The following RNF214 variants were observed in gnomAD, a reference collection of about 807,000 sequenced individuals.
RNF214 encodes ring finger protein 214.
A neutral mutation model predicts 75.9 loss-of-function variants in RNF214; 25 were observed. The observed-to-expected ratio is 0.33, with a 90% CI of 0.24 to 0.46. The LOEUF is 0.46. Among genes scored for constraint, RNF214 ranks in the 20% least tolerant of loss-of-function variants. The probability of loss-of-function intolerance (pLI) is 1.00; values close to 1 mark genes in which losing one functional copy is unlikely to be tolerated. For missense variants in RNF214, 725 were observed against 857.5 expected (o/e 0.85, Z 1.93); for synonymous variants, 314 against 308.8 (o/e 1.02, Z -0.18).
At chr11:117,274,185 T>G (rs553071602) in intron 6 of RNF214, among the ~76,000 whole-genome samples, 4 of 152,104 alleles carry the variant, frequency 2.6e-5, no homozygotes, top group Non-Finnish European at 5.9e-5. Flanking sequence ...AATAACAGAT[T>G]AACAGGAGGG....
At position 117,283,162 on chromosome 11, in the gene RNF214, G is replaced by T. The variant is rs780315682; in HGVS notation, c.1998G>T (p.Gln666His). 7 of 1,613,972 alleles carry T rather than the reference G, an allele frequency of 4.3e-6. No homozygotes were observed. In the Admixed American group the frequency reaches 1.2e-4, roughly 27 times the overall value. The change falls in exon 14 of 15, where the codon CAG becomes CAT. Residue 666 changes from glutamine to histidine, a missense_variant. By Grantham distance (24) the Gln-to-His change is conservative. Around this residue, in one of 2 missense-constraint regions of RNF214, gnomAD observed 363 missense variants for 513.0 expected, o/e 0.71. Coordinates refer to ENST00000300650, the MANE Select transcript of RNF214 (RefSeq NM_207343.4). ...KLCLMCQKLV[Q>H]PSELHPMACT... Reference sequence around the variant, plus strand: ...GTCTAATGTGCCAGAAACTCGTCCAGCCCAGTGAGCTGCATCCAATGGCGT... The same window carrying T: ...GTCTAATGTGCCAGAAACTCGTCCATCCCAGTGAGCTGCATCCAATGGCGT...
At chr11:117,253,762 A>T (rs2033456001) in intron 6 of RNF214, among the ~76,000 whole-genome samples, 1 of 152,188 alleles carries the variant, frequency 6.6e-6, no homozygotes, top group African/African-American at 2.4e-5. Flanking sequence ...GCTCGTGGTG[A>T]CCCTGTGTTT....
At chr11:117,279,628 C>T (rs192557772) in intron 6 of RNF214, among the ~76,000 whole-genome samples, 12 of 152,292 alleles carry the variant, frequency 7.9e-5, no homozygotes, top group Middle Eastern at 3.4e-3. Flanking sequence ...TCAGCCACCA[C>T]GCCCGGTCAC....
intron 6 of RNF214, among the ~76,000 whole-genome samples, chr11:117,265,166 G>C (rs1375389469): frequency 6.6e-6 from 1 of 151,294 alleles, no homozygotes; most frequent in African/African-American, 2.4e-5. Flanking sequence ...TTATTGATTT[G>C]ATTGGATTAA....
intron 9 of RNF214, 25 bp from the exon 10 acceptor site, chr11:117,281,575 T>G (rs1565348763): frequency 6.4e-7 from 1 of 1,564,142 alleles, no homozygotes; most frequent in African/African-American, 1.4e-5. Context: ...AGTTCAGCAG[T>G]AAAAATAATC....
rs774689027 is a variant in RNF214 at position 117,282,784 on chromosome 11, G to A, written c.1884G>A (p.Leu628=). The A allele has an allele frequency of 1.9e-6, 3 of 1,614,030 alleles. No individual in the cohort carries two copies. The highest frequency in any genetic ancestry group is 8.5e-7 in the Non-Finnish European group (1 of 1,180,008). ...GRIRALFPAP[L]AQISTPMFLP... ...TCCGGGCCTTGTTCCCTGCTCCACT[G>A]GCCCAAATCAGTACCCCAATGTTCT... The change falls in exon 13 of 15, where the codon CTG becomes CTA. Residue 628 remains leucine (L), a synonymous_variant. Transcript: ENST00000300650.
intron 6 of RNF214, among the ~76,000 whole-genome samples, chr11:117,268,405 G>A (rs558590): frequency 0.72 from 108,936 of 152,146 alleles, 40,501 homozygotes; most frequent in East Asian, 0.95. Context: ...AAAGATTTAC[G>A]TATATTTGAA....
intron 6 of RNF214, among the ~76,000 whole-genome samples, chr11:117,259,556 G>A (rs1448651470): frequency 1.3e-5 from 2 of 152,174 alleles, no homozygotes; most frequent in African/African-American, 2.4e-5. Context: ...AGTTCTGGTT[G>A]CTTCACATCT....
intron 6 of RNF214, among the ~76,000 whole-genome samples, chr11:117,272,465 A>G (rs2033932614): frequency 6.6e-6 from 1 of 152,148 alleles, no homozygotes; most frequent in South Asian, 2.1e-4. Context: ...GAGGGAGAGC[A>G]TTAGGACAAA....
At chr11:117,278,268 C>T (rs1220069566) in intron 6 of RNF214, among the ~76,000 whole-genome samples, 1 of 152,186 alleles carries the variant, frequency 6.6e-6, no homozygotes, top group African/African-American at 2.4e-5. Context: ...CACGCCATTG[C>T]ACTCTAGCCT....
chr11:117,247,867 AAAAAC>A (rs2033269145), intron 6 of RNF214, among the ~76,000 whole-genome samples: 1 of 151,892 alleles, frequency 6.6e-6, no homozygotes, highest in Admixed American at 6.6e-5. Context: ...AAAAAAAAAA[AAAAAC>A]AAAACAAAAA....
At chr11:117,245,311 CCT>C (rs2033188146) in intron 5 of RNF214, among the ~76,000 whole-genome samples, 1 of 150,384 alleles carries the variant, frequency 6.6e-6, no homozygotes, top group African/African-American at 2.4e-5. Context: ...AGAACGATAC[CCT>C]GTCTCAAAAA....
At chr11:117,283,580 C>T (rs564251235) in intron 14 of RNF214, among the ~76,000 whole-genome samples, 3 of 152,160 alleles carry the variant, frequency 2.0e-5, no homozygotes, top group East Asian at 1.9e-4. Context: ...AGGCTGGTCT[C>T]GAACTCCTGA....
At chr11:117,279,277 T>G (rs937482529) in intron 6 of RNF214, among the ~76,000 whole-genome samples, 2 of 152,130 alleles carry the variant, frequency 1.3e-5, no homozygotes, top group Non-Finnish European at 2.9e-5. Flanking sequence ...AGATGCAGTC[T>G]TTTTCCTGCT....
At chr11:117,256,092 G>A (rs1485572461) in intron 6 of RNF214, among the ~76,000 whole-genome samples, 1 of 152,036 alleles carries the variant, frequency 6.6e-6, no homozygotes, top group East Asian at 1.9e-4. Context: ...CTCAGCCTGT[G>A]CCACCTGCTC....
intron 6 of RNF214, among the ~76,000 whole-genome samples, chr11:117,273,884 C>T (rs1454086605): frequency 6.6e-6 from 1 of 152,108 alleles, no homozygotes; most frequent in Non-Finnish European, 1.5e-5. Flanking sequence ...TTCAGACAGG[C>T]TGATGTCAAT....
At chr11:117,283,549 C>T (rs1266110656) in intron 14 of RNF214, among the ~76,000 whole-genome samples, 1 of 151,972 alleles carries the variant, frequency 6.6e-6, no homozygotes, top group Non-Finnish European at 1.5e-5. Context: ...TTAGTAGAGA[C>T]AGGGTTTCAC....
At chr11:117,234,807 T>G (rs1211927883) in intron 2 of RNF214, among the ~76,000 whole-genome samples, 1 of 152,224 alleles carries the variant, frequency 6.6e-6, no homozygotes, top group Non-Finnish European at 1.5e-5. Flanking sequence ...TGTACAGTGT[T>G]GAACTAAATT....
chr11:117,238,200 C>T (rs995001069), intron 2 of RNF214, among the ~76,000 whole-genome samples: 15 of 152,108 alleles, frequency 9.9e-5, no homozygotes, highest in African/African-American at 3.6e-4. Context: ...CCCTTGAGTA[C>T]AGGAGTTCGA....
Sources: gnomAD v4.1 joint callset for allele counts (sites outside exome capture counted in the v4.1 genomes callset) on GRCh38, gnomAD v4.1.1 for gene constraint, gnomAD v4.1.1 regional missense constraint, MANE v1.5 for transcripts, NCBI Gene and HGNC (gene_info 2026-07-23, HGNC 2026-07-21) for gene names.